ATP10B: variants seen among roughly 807,000 people sequenced by gnomAD.
ATP10B encodes the protein phospholipid-transporting ATPase VB.
Under a neutral mutation model 141.2 loss-of-function variants are expected in ATP10B, and 122 were observed. The observed-to-expected ratio is 0.86, with a 90% CI of 0.75 to 1.00. The LOEUF is 1.00. Among genes scored for constraint, ATP10B ranks in the 50% least tolerant of loss-of-function variants. The pLI, the probability that ATP10B is intolerant of heterozygous loss-of-function variation, is 0.00. For synonymous variants in ATP10B, 685 were observed against 692.0 expected (o/e 0.99, Z 0.16); for missense variants, 1,876 against 1,825.3 (o/e 1.03, Z -0.51).
intron 9 of ATP10B, among the ~76,000 whole-genome samples, chr5:160,643,364 C>T (rs1760017981): frequency 6.6e-6 from 1 of 152,150 alleles, no homozygotes; most frequent in Admixed American, 6.5e-5. Context: ...CTGGAGTTTT[C>T]CAGCAAAGGT....
intron 18 of ATP10B, among the ~76,000 whole-genome samples, chr5:160,609,043 T>C (rs963610704): frequency 6.6e-6 from 1 of 152,226 alleles, no homozygotes; most frequent in African/African-American, 2.4e-5. Flanking sequence ...TAGGTTTTCT[T>C]CTAGGGTTTT....
intron 20 of ATP10B, 58 bp downstream of exon 20, chr5:160,603,907 A>G: frequency 6.8e-7 from 1 of 1,478,738 alleles, no homozygotes; most frequent in Middle Eastern, 1.7e-4. Flanking sequence ...CACTCTGGAT[A>G]TTTCCTTGTA....
the ATP10B span, among the ~76,000 whole-genome samples, chr5:160,914,947 C>T: frequency 6.6e-6 from 1 of 152,116 alleles, no homozygotes; most frequent in Non-Finnish European, 1.5e-5. Context: ...TTTGTAAAGC[C>T]TGGAAGAAGG....
intron 1 of ATP10B, among the ~76,000 whole-genome samples, chr5:160,834,542 T>A (rs1408216389): frequency 6.6e-6 from 1 of 152,120 alleles, no homozygotes; most frequent in African/African-American, 2.4e-5. Flanking sequence ...CAGGGCAACA[T>A]TCTTTATGAA....
intron 24 of ATP10B, among the ~76,000 whole-genome samples, chr5:160,584,481 ATC>A (rs1277052564): frequency 1.3e-5 from 2 of 152,064 alleles, no homozygotes; most frequent in East Asian, 3.9e-4. Flanking sequence ...CTATTTGGCC[ATC>A]TCGCCAGCCA....
intron 21 of ATP10B, among the ~76,000 whole-genome samples, chr5:160,600,829 C>T (rs570440151): frequency 1.5e-4 from 23 of 152,286 alleles, no homozygotes; most frequent in African/African-American, 5.3e-4. Flanking sequence ...GTTTTAATCC[C>T]CTCTGAAATT....
rs75099341 is a variant in ATP10B at position 160,837,335 on chromosome 5, G to C, written c.-576+14606C>G. On this transcript the variant is annotated intron_variant, in intron 1 of 25. Transcript: ENST00000327245. ...AATATTCTCCACAAAATCATAAATG[G>C]CTTGAGGTCAAGGGATATATTTAAT... is the stretch of plus-strand genomic sequence containing the variant. Among the ~76,000 whole-genome samples, 917 of 152,272 alleles carry C rather than the reference G, an allele frequency of 6.0e-3. 13 individuals are homozygous for C. The highest frequency in any genetic ancestry group is 0.021 in the African/African-American group (873 of 41,558).
At chr5:160,847,667 C>T (rs1255982793) in intron 1 of ATP10B, among the ~76,000 whole-genome samples, 2 of 152,148 alleles carry the variant, frequency 1.3e-5, no homozygotes, top group East Asian at 3.9e-4. Flanking sequence ...TTGAATTTTT[C>T]AGAATTTCTT....
At chr5:160,902,554 T>C in the ATP10B span, among the ~76,000 whole-genome samples, 34,515 of 152,116 alleles carry the variant, frequency 0.23, 4,545 homozygotes, top group Non-Finnish European at 0.3. Context: ...AATGGCATAG[T>C]TGAAAACATT....
At chr5:160,864,888 G>A in the ATP10B span, among the ~76,000 whole-genome samples, 3 of 152,034 alleles carry the variant, frequency 2.0e-5, no homozygotes, top group South Asian at 2.1e-4. Context: ...AAAGGTTTCT[G>A]CAAGGAAAAT....
intron 2 of ATP10B, among the ~76,000 whole-genome samples, chr5:160,762,097 G>T (rs1430198997): frequency 6.6e-6 from 1 of 152,150 alleles, no homozygotes; most frequent in East Asian, 1.9e-4. Context: ...AGAATAATTG[G>T]TTTTCTTGAG....
intron 3 of ATP10B, among the ~76,000 whole-genome samples, chr5:160,709,879 C>T (rs1161457123): frequency 1.4e-4 from 15 of 105,206 alleles, no homozygotes; most frequent in Admixed American, 5.2e-4. Flanking sequence ...TTTGTTCTTG[C>T]GATAGTTTAC....
At position 160,570,059 on chromosome 5, in the gene ATP10B, A is replaced by AT. The variant is rs58917070; in HGVS notation, c.3751-377dup. 2.6e-3 allele frequency among the ~76,000 whole-genome samples: 395 copies of AT among 151,650 alleles called. 2 individuals carry two copies. Among genetic ancestry groups the AT allele is most frequent in the African/African-American group, 9.2e-3 (380 of 41,338 alleles). On this transcript the variant is annotated intron_variant, in intron 24 of 25. Coordinates refer to ENST00000327245, the MANE Select transcript of ATP10B (RefSeq NM_025153.3). Reference sequence around the variant, plus strand: ...AATATTATGTTTGTGTGATGAGCCCATTTTTTCCACATGGCAGTAGTTTAT... The same window carrying AT: ...AATATTATGTTTGTGTGATGAGCCCATTTTTTTCCACATGGCAGTAGTTTAT...
At chr5:160,804,126 GATCT>G (rs1266681013) in intron 1 of ATP10B, among the ~76,000 whole-genome samples, 1 of 152,120 alleles carries the variant, frequency 6.6e-6, no homozygotes, top group African/African-American at 2.4e-5. Flanking sequence ...GAGATAAGCA[GATCT>G]ATTTGGCCAA....
chr5:160,760,896 A>G (rs1768980311), intron 2 of ATP10B, among the ~76,000 whole-genome samples: 2 of 133,844 alleles, frequency 1.5e-5, no homozygotes, highest in Non-Finnish European at 3.4e-5. Flanking sequence ...GCTCAGACCC[A>G]CCTACCCTCC....
intron 2 of ATP10B, among the ~76,000 whole-genome samples, chr5:160,733,407 C>G (rs1363001068): frequency 6.6e-6 from 1 of 151,846 alleles, no homozygotes; most frequent in Non-Finnish European, 1.5e-5. Context: ...AATAATGACA[C>G]AAAACTTCCC....
At position 160,785,603 on chromosome 5, in the gene ATP10B, C is replaced by A; in HGVS notation, c.-375G>T. 9.1e-7 allele frequency: 1 copy of A among 1,094,300 alleles called. No homozygotes were observed. 67.8% of individuals were successfully genotyped at this position (1,094,300 alleles called of 1,614,324 possible). On this transcript the variant is annotated 5_prime_UTR_variant, in exon 2 of 26. It adds an upstream start codon to the 5' untranslated region. Transcript: ENST00000327245. Reference sequence around the variant, plus strand: ...TCTTGTTCCTCTTTCTCCTTCCCTCCTTTTTGAAGTCTCAGTGTTTATTGT... The same window carrying A: ...TCTTGTTCCTCTTTCTCCTTCCCTCATTTTTGAAGTCTCAGTGTTTATTGT...
At chr5:160,812,055 A>AGAGAGG (rs1238250934) in intron 1 of ATP10B, among the ~76,000 whole-genome samples, 16 of 124,186 alleles carry the variant, frequency 1.3e-4, no homozygotes, top group South Asian at 4.9e-4. Flanking sequence ...AGAGAGAGAG[A>AGAGAGG]GAGAGGGAGA....
intron 2 of ATP10B, among the ~76,000 whole-genome samples, chr5:160,782,703 A>C (rs1770805581): frequency 6.6e-6 from 1 of 152,118 alleles, no homozygotes; most frequent in African/African-American, 2.4e-5. Context: ...GCTAAGAATG[A>C]CAGGTATAGT....
Sources: allele counts gnomAD v4.1 joint callset (sites outside exome capture counted in the v4.1 genomes callset), GRCh38; gene constraint gnomAD v4.1.1; transcripts MANE v1.5; gene names NCBI Gene and HGNC (gene_info 2026-07-23, HGNC 2026-07-21).